Variants in ZC3H18 observed in about 807,000 individuals in gnomAD.
The protein encoded by ZC3H18 is zinc finger CCCH-type containing 18.
In ZC3H18, 8 loss-of-function variants were observed where a neutral mutation model predicts 106.1. The observed-to-expected ratio is 0.08, with a 90% CI of 0.04 to 0.14. The LOEUF is 0.14. Among genes scored for constraint, ZC3H18 ranks in the 10% least tolerant of loss-of-function variants. The probability of loss-of-function intolerance (pLI) is 1.00; values close to 1 mark genes in which losing one functional copy is unlikely to be tolerated. For synonymous variants in ZC3H18, 635 were observed against 522.1 expected, an observed-to-expected ratio of 1.22 and a Z score of -2.95; for missense variants, 1,318 against 1,278.4, an observed-to-expected ratio of 1.03 and a Z score of -0.47.
intron 13 of ZC3H18, chr16:88,625,838 ATTTTT>A (rs1175357328): frequency 3.8e-5 from 4 of 104,466 alleles, no homozygotes; most frequent in Non-Finnish European, 5.5e-5. Context: ...ACAGAAAAAG[ATTTTT>A]TTTTTTTTTT....
intron 3 of ZC3H18, among the ~76,000 whole-genome samples, chr16:88,595,820 TAAAAA>T (rs1904408268): frequency 6.8e-6 from 1 of 147,784 alleles, no homozygotes; most frequent in Non-Finnish European, 1.5e-5. Context: ...AAAAAAAAAT[TAAAAA>T]AAGGAAAGAA....
rs577335370 is a variant in ZC3H18, at chr16:88,631,694, G to A, written c.*395G>A. On this transcript the variant is annotated 3_prime_UTR_variant, in exon 18 of 18. Coordinates refer to ENST00000301011, the MANE Select transcript of ZC3H18 (RefSeq NM_144604.4). ...CAGGCTCCCTCCTGAGCTGAGAAAC[G>A]GAACCTCGCGAACCACTGGTGGCAC... The A allele has an allele frequency of 2.7e-4, 123 of 455,738 alleles. No individual in the cohort carries two copies. The highest frequency in any genetic ancestry group is 1.6e-3 in the South Asian group (100 of 63,030). The allele number at this position is 455,738 out of a possible 1,614,324, so 28.2% of individuals were successfully genotyped here. A position where few individuals can be genotyped will look rare whatever the true frequency, so the allele number is the denominator to read the frequency against.
intron 8 of ZC3H18, among the ~76,000 whole-genome samples, chr16:88,618,545 G>A (rs1408747289): frequency 6.6e-6 from 1 of 152,348 alleles, no homozygotes; most frequent in South Asian, 2.1e-4. Flanking sequence ...GTGGCCTGTA[G>A]CAGCCTGGCA....
intron 6 of ZC3H18, 64 bp from the exon 7 acceptor site, chr16:88,608,870 C>A: frequency 7.5e-7 from 1 of 1,335,868 alleles, no homozygotes; most frequent in Non-Finnish European, 1.1e-6. Flanking sequence ...CCTAATGTTT[C>A]GTGTGGTCTT....
At chr16:88,580,198 GTGTGTGTGTGTA>G (rs755429081) in intron 2 of ZC3H18, among the ~76,000 whole-genome samples, 4,205 of 94,746 alleles carry the variant, frequency 0.044, 90 homozygotes, top group African/African-American at 0.056. Context: ...GTGTGTGTGT[GTGTGTGTGTGTA>G]TATGTATATG....
intron 3 of ZC3H18, 69 bp downstream of exon 3, chr16:88,586,753 C>G: frequency 7.8e-7 from 1 of 1,286,164 alleles, no homozygotes; most frequent in Non-Finnish European, 1.1e-6. Context: ...GTGGTGCTGG[C>G]TCACCTTGCC....
intron 6 of ZC3H18, among the ~76,000 whole-genome samples, chr16:88,606,062 T>G (rs778357400): frequency 4.3e-4 from 65 of 152,180 alleles, no homozygotes; most frequent in Non-Finnish European, 9.0e-4. Flanking sequence ...GGTGCGAGCC[T>G]CCCAGTTGCT....
intron 6 of ZC3H18, among the ~76,000 whole-genome samples, chr16:88,600,343 G>C (rs1050446045): frequency 1.3e-5 from 2 of 152,202 alleles, no homozygotes; most frequent in East Asian, 1.9e-4. Context: ...CAACAGCTGC[G>C]GCCTCTTCGC....
chr16:88,577,659 C>T lies in ZC3H18; in HGVS notation c.536C>T (p.Ser179Phe), dbSNP rs748270942. The change falls in exon 2 of 18, where the codon TCC becomes TTC. Residue 179 changes from serine (S) to phenylalanine (F), a missense_variant. Ser to Phe is a radical substitution (Grantham distance 155). This residue lies in a region of ZC3H18 where 346 missense variants were observed against 269.0 expected (regional missense o/e 1.29). Transcript: ENST00000301011. ...GTTCAGAGTGTGGGAGAAAAGGAAT[C>T]CCTGGAGGCTGCCAAGGAGAAAAAG... ...AGVQSVGEKE[S>F]LEAAKEKKKE... 1.9e-5 allele frequency: 30 copies of T among 1,613,868 alleles called. No individual in the cohort carries two copies. Among genetic ancestry groups the T allele is most frequent in the Non-Finnish European group, 8.5e-7 (1 of 1,180,030 alleles).
chr16:88,617,768 A>G (rs1158177222), intron 8 of ZC3H18, among the ~76,000 whole-genome samples: 1 of 152,212 alleles, frequency 6.6e-6, no homozygotes, highest in Non-Finnish European at 1.5e-5. Context: ...CTTCCCTGGT[A>G]AGTTCCGGAC....
intron 2 of ZC3H18, among the ~76,000 whole-genome samples, chr16:88,585,079 A>G (rs1340846759): frequency 3.9e-5 from 6 of 152,208 alleles, no homozygotes; most frequent in Non-Finnish European, 5.9e-5. Flanking sequence ...GACACAAACT[A>G]AAAGACCAGA....
At chr16:88,573,725 TTAA>T (rs1259581266) in intron 1 of ZC3H18, among the ~76,000 whole-genome samples, 1 of 151,948 alleles carries the variant, frequency 6.6e-6, no homozygotes, top group Non-Finnish European at 1.5e-5. Flanking sequence ...GACTGACTTT[TTAA>T]TAATTCCTCC....
Position 88,627,812 on chromosome 16 carries a change from G to A in ZC3H18, c.2269+30G>A. 1 of 1,609,680 alleles carries A rather than the reference G, an allele frequency of 6.2e-7. No homozygotes were observed. Among genetic ancestry groups the A allele is most frequent in the Non-Finnish European group, 8.5e-7 (1 of 1,176,860 alleles). On this transcript the variant is annotated intron_variant, in intron 14 of 17. Coordinates refer to ENST00000301011, the MANE Select transcript of ZC3H18 (RefSeq NM_144604.4). The surrounding 1 kb of genome is among the most constrained non-coding windows in gnomAD (Gnocchi z 4.5). ...TCAGGAGCCCTGGTACCTTTGGGGA[G>A]CAGCTCCCGGGGGAGGAGGGCGGCA...
intron 13 of ZC3H18, chr16:88,626,643 G>A (rs62047995): frequency 0.24 from 35,815 of 151,808 alleles, 4,534 homozygotes; most frequent in East Asian, 0.37. Context: ...ATGAGCCACC[G>A]CGCCTGGCCT....
At chr16:88,583,940 TC>T (rs1238835618) in intron 2 of ZC3H18, among the ~76,000 whole-genome samples, 11 of 152,188 alleles carry the variant, frequency 7.2e-5, no homozygotes, top group Admixed American at 2.0e-4. Context: ...GACCCGGAGT[TC>T]CTGCGTGGCA....
chr16:88,625,323 C>T, intron 13 of ZC3H18, 56 bp downstream of exon 13: 1 of 1,550,642 alleles, frequency 6.4e-7, no homozygotes, highest in African/African-American at 1.4e-5. Flanking sequence ...GCCAGGAAGT[C>T]CCAGAAGCAG....
At chr16:88,583,922 A>G (rs1915289119) in intron 2 of ZC3H18, among the ~76,000 whole-genome samples, 1 of 152,110 alleles carries the variant, frequency 6.6e-6, no homozygotes, top group African/African-American at 2.4e-5. Flanking sequence ...GCGTGAGGGA[A>G]ACCAGGAGAC....
At chr16:88,582,224 T>C (rs1197793615) in intron 2 of ZC3H18, among the ~76,000 whole-genome samples, 1 of 128,460 alleles carries the variant, frequency 7.8e-6, no homozygotes, top group African/African-American at 2.9e-5. Context: ...CTTTTCTTTT[T>C]TTTTTTTTTT....
rs1230492556 is a variant in ZC3H18, at chr16:88,625,230, A to G, written c.2071A>G (p.Ser691Gly). ...RRTLSGSGSG[S>G]GSSYSGSSSR... ...GACGCTAAGCGGCAGCGGCAGTGGC[A>G]GTGGTAGCAGCTATAGTGGTTCCAG... The change falls in exon 13 of 18, where the codon AGT (serine) becomes GGT (glycine). Residue 691 changes from serine to glycine, a missense_variant. Ser to Gly is a moderately conservative substitution (Grantham distance 56). This residue lies in a region of ZC3H18 where 848 missense variants were observed against 821.7 expected (regional missense o/e 1.03). Transcript: ENST00000301011. 1 of 1,592,886 alleles carries G rather than the reference A, an allele frequency of 6.3e-7. No homozygotes were observed. Among genetic ancestry groups the G allele is most frequent in the Non-Finnish European group, 8.5e-7 (1 of 1,170,110 alleles).
Sources: gnomAD v4.1 joint callset for allele counts (sites outside exome capture counted in the v4.1 genomes callset) on GRCh38, gnomAD v4.1.1 for gene constraint, gnomAD v4.1.1 regional missense constraint, Gnocchi (gnomAD v3.1) non-coding constraint, MANE v1.5 for transcripts, NCBI Gene and HGNC (gene_info 2026-07-23, HGNC 2026-07-21) for gene names.